The following ARX variants were observed in gnomAD, a reference collection of about 807,000 sequenced individuals.
ARX encodes homeobox protein ARX.
Under a neutral mutation model 23.1 loss-of-function variants are expected in ARX, and 1 was observed. The ratio of observed to expected loss-of-function variants is 0.04; its 90% CI spans 0.02 to 0.21. The LOEUF is 0.21. ARX is among the 10% of genes least tolerant of loss of function. The pLI is 1.00. For synonymous variants in ARX, 301 were observed against 270.1 expected (o/e 1.11, Z -1.12); for missense variants, 380 against 527.5 (o/e 0.72, Z 2.74).
chrX:25,015,905 G>C lies in ARX; in HGVS notation c.-168C>G. 1 of 555,593 alleles carries C rather than the reference G, an allele frequency of 1.8e-6. No homozygotes were observed. Among genetic ancestry groups the C allele is most frequent in the East Asian group, 3.6e-5 (1 of 27,598 alleles). The allele number at this position is 555,593 out of a possible 1,213,427, so 45.8% of individuals were successfully genotyped here. On this transcript the variant is annotated 5_prime_UTR_variant, in exon 1 of 5. Coordinates refer to ENST00000379044, the MANE Select transcript of ARX (RefSeq NM_139058.3). ...CCTTGGTTGCCGGCTGCCGGCTCCC[G>C]CCCTGCCCGCGGCCCGAGCTCGCCC...
chrX:25,007,929 C>G (rs184745387), intron 3 of ARX, among the ~76,000 whole-genome samples: 8 of 111,519 alleles, frequency 7.2e-5, no homozygotes, highest in African/African-American at 2.3e-4. Flanking sequence ...AGGGAATGGG[C>G]AGCCACCAAG....
intron 4 of ARX, 33 bp downstream of exon 4, chrX:25,007,078 A>G (rs2048681139): frequency 8.5e-7 from 1 of 1,171,594 alleles, no homozygotes; most frequent in Non-Finnish European, 1.1e-6. Flanking sequence ...TGAGAGACAG[A>G]CAGACAGACA....
At chrX:25,006,793 T>G (rs895070407) in intron 4 of ARX, among the ~76,000 whole-genome samples, 1 of 110,892 alleles carries the variant, frequency 9.0e-6, no homozygotes, top group African/African-American at 3.3e-5. Context: ...CCTGTACATA[T>G]TTGCTCGCTT....
chrX:25,013,978 T>G (rs1254978594), intron 1 of ARX, among the ~76,000 whole-genome samples, 180 bp from the exon 2 acceptor site: 2 of 111,981 alleles, frequency 1.8e-5, no homozygotes, highest in Non-Finnish European at 3.8e-5. Flanking sequence ...TTCTTTTTCT[T>G]TCTTTCTCTC....
chrX:25,015,777 G>C lies in ARX; in HGVS notation c.-40C>G, dbSNP rs199525768. The C allele has an allele frequency of 1.9e-5, 22 of 1,154,996 alleles. No homozygotes were observed. In the Middle Eastern group the frequency reaches 9.5e-4, roughly 50 times the overall value. On this transcript the variant is annotated 5_prime_UTR_variant, in exon 1 of 5. Transcript: ENST00000379044. ...CCCAGGGCGCAGAGAGCGGATCGCC[G>C]GCTGCCTCTCCCGGAGGGTGGGATG...
rs753570587 is a variant in ARX at position 25,004,932 on chromosome X, C to T, written c.1449-22G>A. The T allele has an allele frequency of 4.5e-6, 5 of 1,106,051 alleles. No homozygotes were observed. The East Asian group carries it at 1.0e-4, about 22-fold the overall frequency. 91.2% of individuals were successfully genotyped at this position (1,106,051 alleles called of 1,213,427 possible). On this transcript the variant is annotated intron_variant, in intron 4 of 4. Coordinates refer to ENST00000379044, the MANE Select transcript of ARX (RefSeq NM_139058.3). ...GAGCCTGCAGGGAGAGCAAACAGCGCGGTCATGGCCTCGGGAGCTGTGCGC... is the reference window on the plus strand; with the variant it reads ...GAGCCTGCAGGGAGAGCAAACAGCGTGGTCATGGCCTCGGGAGCTGTGCGC...
At chrX:25,010,193 C>CCCACACA in intron 3 of ARX, 67 bp downstream of exon 3, 1 of 1,104,488 alleles carries the variant, frequency 9.1e-7, no homozygotes, top group Non-Finnish European at 1.2e-6. Context: ...CGCCACCAAC[C>CCCACACA]CATCTCTCTC....
At chrX:25,010,178 C>G in intron 3 of ARX, 82 bp downstream of exon 3, 1 of 881,742 alleles carries the variant, frequency 1.1e-6, no homozygotes, top group Non-Finnish European at 1.6e-6. Context: ...CCCCCCGCAC[C>G]CCCCCGCCAC....
rs764864344 is a variant in ARX, at chrX:25,012,204, T to C, written c.1073+718A>G. On this transcript the variant is annotated intron_variant, in intron 2 of 4. Transcript: ENST00000379044. ...TGTCCACCCGGTAAACCCGTTTACA[T>C]TAAACGCACGGTGGGTTTAATATGT... Among the ~76,000 whole-genome samples the C allele has an allele frequency of 2.1e-3, 239 of 112,881 alleles. 1 individual carries two copies. Among genetic ancestry groups the C allele is most frequent in the Middle Eastern group, 4.6e-3 (1 of 219 alleles).
intron 3 of ARX, among the ~76,000 whole-genome samples, 190 bp from the exon 4 acceptor site, chrX:25,007,629 C>T (rs1322192376): frequency 1.8e-5 from 2 of 111,520 alleles, no homozygotes; most frequent in Non-Finnish European, 1.9e-5. Context: ...GAATAGGAGC[C>T]GCAACTTCAA....
chrX:25,005,038 G>T, intron 4 of ARX, 128 bp from the exon 5 acceptor site: 1 of 947,167 alleles, frequency 1.1e-6, no homozygotes, highest in Non-Finnish European at 1.4e-6. Flanking sequence ...GATGGGCCGC[G>T]GCGGGGAAGT....
chrX:25,007,574 T>C, intron 3 of ARX, 135 bp from the exon 4 acceptor site: 1 of 839,948 alleles, frequency 1.2e-6, no homozygotes, highest in Non-Finnish European at 1.6e-6. Context: ...TGCCCCTCTT[T>C]GGCCTCAGGT....
Position 25,003,807 on chromosome X carries a change from T to C in ARX, c.*863A>G, listed in dbSNP as rs1287032447. On this transcript the variant is annotated 3_prime_UTR_variant, in exon 5 of 5. Coordinates refer to ENST00000379044, the MANE Select transcript of ARX (RefSeq NM_139058.3). ...AAAGTACTGTACCATTGCCTTTATC[T>C]TGAAGGTTTCGGAAGCCTCTACAGT... is the stretch of plus-strand genomic sequence containing the variant. 1 of 111,951 alleles carries C rather than the reference T, an allele frequency of 8.9e-6. No homozygotes were observed. Among genetic ancestry groups the C allele is most frequent in the Non-Finnish European group, 1.9e-5 (1 of 53,206 alleles). 9.2% of individuals were successfully genotyped at this position (111,951 alleles called of 1,213,427 possible). A position where few individuals can be genotyped will look rare whatever the true frequency, so the allele number is the denominator to read the frequency against.
At position 25,004,518 on chromosome X, in the gene ARX, C is replaced by T. The variant is rs1383216849; in HGVS notation, c.*152G>A. ...CACGTCCCGGAGCGCCGAGGGCTGC[C>T]ATGCCCGCATCCAGACTGCTGTGAA... is the stretch of plus-strand genomic sequence containing the variant. On this transcript the variant is annotated 3_prime_UTR_variant, in exon 5 of 5. Transcript: ENST00000379044. 1 of 1,005,510 alleles carries T rather than the reference C, an allele frequency of 9.9e-7. No individual in the cohort carries two copies. Among genetic ancestry groups the T allele is most frequent in the Non-Finnish European group, 1.3e-6 (1 of 748,382 alleles). The allele number at this position is 1,005,510 out of a possible 1,213,427, so 82.9% of individuals were successfully genotyped here.
At chrX:25,005,868 C>CGCCTTGGAGCGCCCGCG (rs2048675689) in intron 4 of ARX, 2 of 112,586 alleles carry the variant, frequency 1.8e-5, no homozygotes, top group Non-Finnish European at 3.8e-5. Context: ...CCACGCCCAC[C>CGCCTTGGAGCGCCCGCG]GCCTTGGAGC....
chrX:25,013,779 G>C lies in ARX; in HGVS notation c.216C>G (p.Ser72Arg). Residue 72 changes from serine (S) to arginine (R), a missense_variant, in exon 2 of 5, where the codon AGC becomes AGG. By Grantham distance (110) the Ser-to-Arg change is moderately radical. This residue lies in a region of ARX where 235 missense variants were observed against 270.2 expected (regional missense o/e 0.87). Coordinates refer to ENST00000379044, the MANE Select transcript of ARX (RefSeq NM_139058.3). Reference protein sequence around the residue: ...KAVQGSPKSSSAPFEAELHLP... With the variant: ...KAVQGSPKSSRAPFEAELHLP... ...GGTGCAGCTCGGCCTCGAACGGGGC[G>C]CTGCTGCTCTTAGGGGAGCCTGCGG... 1.1e-6 allele frequency: 1 copy of C among 929,075 alleles called. No individual in the cohort carries two copies. The highest frequency in any genetic ancestry group is 1.3e-6 in the Non-Finnish European group (1 of 750,072). 76.6% of individuals were successfully genotyped at this position (929,075 alleles called of 1,213,427 possible).
In ARX at chrX:25,013,337, C is replaced by T. The variant is rs2048710584; in HGVS notation, c.658G>A (p.Gly220Ser). The change falls in exon 2 of 5, where the codon GGC (glycine) becomes AGC (serine). Residue 220 changes from glycine (G) to serine (S), a missense_variant. This residue lies in a region of ARX where 235 missense variants were observed against 270.2 expected (regional missense o/e 0.87). Coordinates refer to ENST00000379044, the MANE Select transcript of ARX (RefSeq NM_139058.3). ...GPGSAPAAGG[G>S]TGTEDDEEEL... ...TCCTCGTCGTCCTCGGTGCCGGTGC[C>T]ACCACCCGCAGCCGGGGCGCTGCCC... is the stretch of plus-strand genomic sequence containing the variant. 8.7e-7 allele frequency: 1 copy of T among 1,149,485 alleles called. No homozygotes were observed. Among genetic ancestry groups the T allele is most frequent in the Admixed American group, 2.6e-5 (1 of 38,432 alleles). 94.7% of individuals were successfully genotyped at this position (1,149,485 alleles called of 1,213,427 possible). A position where few individuals can be genotyped will look rare whatever the true frequency, so the allele number is the denominator to read the frequency against.
In ARX at chrX:25,004,551, G is replaced by T. The variant is rs975018916; in HGVS notation, c.*119C>A. The T allele has an allele frequency of 4.1e-5, 45 of 1,108,955 alleles. No homozygotes were observed. In the African/African-American group the frequency reaches 5.8e-4, roughly 14 times the overall value. 91.4% of individuals were successfully genotyped at this position (1,108,955 alleles called of 1,213,427 possible). A position where few individuals can be genotyped will look rare whatever the true frequency, so the allele number is the denominator to read the frequency against. On this transcript the variant is annotated 3_prime_UTR_variant, in exon 5 of 5. Transcript: ENST00000379044. Reference sequence around the variant, plus strand: ...CATCCAGACTGCTGTGAAGGCGGCTGCGCTCTCTCAGTGCCGTCTCGGGAG... The same window carrying T: ...CATCCAGACTGCTGTGAAGGCGGCTTCGCTCTCTCAGTGCCGTCTCGGGAG...
chrX:25,014,497 G>A lies in ARX; in HGVS notation c.197-699C>T, dbSNP rs111991538. ...CCCTGTGGCCCCAAGTGCAGGCCGC[G>A]CCCCAACAGCCCACAGCGGGAGAGG... On this transcript the variant is annotated intron_variant, in intron 1 of 4. Coordinates refer to ENST00000379044, the MANE Select transcript of ARX (RefSeq NM_139058.3). Among the ~76,000 whole-genome samples, 621 of 112,727 alleles carry A rather than the reference G, an allele frequency of 5.5e-3. 3 individuals are homozygous for A. The highest frequency in any genetic ancestry group is 0.019 in the African/African-American group (588 of 31,082).
Sources: allele counts gnomAD v4.1 joint callset (sites outside exome capture counted in the v4.1 genomes callset), GRCh38; gene constraint gnomAD v4.1.1; regional missense constraint gnomAD v4.1.1; transcripts MANE v1.5; gene names NCBI Gene and HGNC (gene_info 2026-07-23, HGNC 2026-07-21).